The following GSK3B variants were observed in gnomAD, a reference collection of about 807,000 sequenced individuals.
GSK3B encodes glycogen synthase kinase 3 beta.
In GSK3B, 15 loss-of-function variants were observed where a neutral mutation model predicts 56.4. That is an observed-to-expected ratio of 0.27 (90% CI 0.18 to 0.41). The LOEUF (loss-of-function observed/expected upper bound fraction) is 0.41, where lower values mean the gene tolerates loss of function less well. GSK3B is among the 10% of genes least tolerant of loss of function. GSK3B has a pLI of 1.00. For synonymous variants in GSK3B, 181 were observed against 188.9 expected (o/e 0.96, Z 0.34); for missense variants, 300 against 513.4 (o/e 0.58, Z 4.02).
At chr3:120,067,364 G>GT (rs769808779) in intron 1 of GSK3B, among the ~76,000 whole-genome samples, 6 of 152,004 alleles carry the variant, frequency 3.9e-5, no homozygotes, top group Non-Finnish European at 8.8e-5. Context: ...TGGAAATATT[G>GT]TAAGTTGAAA....
At chr3:120,064,994 A>G (rs1000563402) in intron 1 of GSK3B, among the ~76,000 whole-genome samples, 1 of 152,234 alleles carries the variant, frequency 6.6e-6, no homozygotes, top group Non-Finnish European at 1.5e-5. Context: ...TCAGAGACCT[A>G]AATATATGAA....
At chr3:119,900,336 T>C (rs946062808) in intron 7 of GSK3B, among the ~76,000 whole-genome samples, 7 of 152,116 alleles carry the variant, frequency 4.6e-5, no homozygotes, top group African/African-American at 1.2e-4. Context: ...ATTATTACTA[T>C]AGCATAAGTA....
intron 1 of GSK3B, among the ~76,000 whole-genome samples, chr3:120,061,675 C>G (rs2058238154): frequency 6.6e-6 from 1 of 152,126 alleles, no homozygotes; most frequent in South Asian, 2.1e-4. Context: ...GTCCTAGAAG[C>G]AGAATTTCTG....
At chr3:119,985,181 A>T (rs2057503728) in intron 2 of GSK3B, among the ~76,000 whole-genome samples, 1 of 152,178 alleles carries the variant, frequency 6.6e-6, no homozygotes, top group Non-Finnish European at 1.5e-5. Flanking sequence ...GTATTGATGG[A>T]ACGTATCTCA....
chr3:119,970,743 C>T (rs1288340483), intron 2 of GSK3B, among the ~76,000 whole-genome samples: 3 of 151,620 alleles, frequency 2.0e-5, no homozygotes, highest in East Asian at 1.9e-4. Context: ...GCTGAGATCG[C>T]GCCACTGCAC....
At chr3:119,845,345 G>C (rs2055840772) in intron 9 of GSK3B, among the ~76,000 whole-genome samples, 1 of 152,054 alleles carries the variant, frequency 6.6e-6, no homozygotes, top group South Asian at 2.1e-4. Context: ...AGAAATAAAG[G>C]GTATTCAAAT....
chr3:119,904,069 G>T (rs559435161), intron 7 of GSK3B, among the ~76,000 whole-genome samples: 17 of 152,154 alleles, frequency 1.1e-4, no homozygotes, highest in Non-Finnish European at 2.4e-4. Context: ...CTGGTTAGTA[G>T]AGCTGTATTT....
At chr3:119,964,498 C>T (rs1157815644) in intron 2 of GSK3B, among the ~76,000 whole-genome samples, 1 of 151,954 alleles carries the variant, frequency 6.6e-6, no homozygotes, top group African/African-American at 2.4e-5. Context: ...CTATGCTAAG[C>T]AAAATAAGTT....
intron 2 of GSK3B, among the ~76,000 whole-genome samples, chr3:119,953,615 A>G (rs1294916401): frequency 6.6e-6 from 1 of 152,184 alleles, no homozygotes; most frequent in African/African-American, 2.4e-5. Context: ...TCTCCTTTTC[A>G]GTTTAGTCTT....
At chr3:119,930,790 T>C (rs745608303) in intron 3 of GSK3B, among the ~76,000 whole-genome samples, 6 of 152,250 alleles carry the variant, frequency 3.9e-5, no homozygotes, top group South Asian at 2.1e-4. Context: ...TACAAAAGTA[T>C]TGTGTTCAAA....
chr3:119,969,353 G>GC (rs1318276165), intron 2 of GSK3B, among the ~76,000 whole-genome samples: 3 of 151,688 alleles, frequency 2.0e-5, no homozygotes, highest in Admixed American at 1.3e-4. Flanking sequence ...AGTCAAGGAA[G>GC]GTCTAAATAA....
intron 1 of GSK3B, among the ~76,000 whole-genome samples, chr3:120,089,256 A>G (rs1378170970): frequency 6.6e-6 from 1 of 152,190 alleles, no homozygotes; most frequent in African/African-American, 2.4e-5. Context: ...TCACTTCACA[A>G]TTAGCATTCT....
chr3:120,023,113 T>C (rs1021144595), intron 1 of GSK3B, among the ~76,000 whole-genome samples: 5 of 151,944 alleles, frequency 3.3e-5, no homozygotes, highest in African/African-American at 1.2e-4. Flanking sequence ...TATACCAGGA[T>C]AGGACTAGCC....
intron 9 of GSK3B, among the ~76,000 whole-genome samples, chr3:119,854,756 G>A (rs2055992606): frequency 6.6e-6 from 1 of 152,226 alleles, no homozygotes; most frequent in Admixed American, 6.5e-5. Flanking sequence ...CTGTGGGATC[G>A]GTGGTGATAC....
chr3:120,046,244 G>A (rs1041294919), intron 1 of GSK3B, among the ~76,000 whole-genome samples: 1 of 152,242 alleles, frequency 6.6e-6, no homozygotes, highest in African/African-American at 2.4e-5. Context: ...AAAAGTGTGG[G>A]CCCTAATGGA....
chr3:119,828,885 T>G (rs2055558657), intron 10 of GSK3B, among the ~76,000 whole-genome samples: 1 of 152,256 alleles, frequency 6.6e-6, no homozygotes. Context: ...CTAATCTTGT[T>G]GTCATGTACA....
At chr3:119,997,684 G>T (rs1439712679) in intron 2 of GSK3B, among the ~76,000 whole-genome samples, 1 of 151,986 alleles carries the variant, frequency 6.6e-6, no homozygotes, top group Admixed American at 6.6e-5. Flanking sequence ...AAAAAACAAG[G>T]AACACTCAAA....
At chr3:119,962,375 C>CAAAAAA (rs71156779) in intron 2 of GSK3B, among the ~76,000 whole-genome samples, 1 of 120,490 alleles carries the variant, frequency 8.3e-6, no homozygotes, top group African/African-American at 3.2e-5. Context: ...AACTCTGTCT[C>CAAAAAA]AAAAAAAAAA....
At chr3:120,065,109 A>G (rs1348495447) in intron 1 of GSK3B, among the ~76,000 whole-genome samples, 1 of 152,198 alleles carries the variant, frequency 6.6e-6, no homozygotes, top group Non-Finnish European at 1.5e-5. Flanking sequence ...CAAGAAGAGA[A>G]AAAAACAGGA....
Sources: gnomAD v4.1 joint callset for allele counts (sites outside exome capture counted in the v4.1 genomes callset) on GRCh38, gnomAD v4.1.1 for gene constraint, MANE v1.5 for transcripts, NCBI Gene and HGNC (gene_info 2026-07-23, HGNC 2026-07-21) for gene names.